PLOD1: variants seen among roughly 807,000 people sequenced by gnomAD.
The protein encoded by PLOD1 is procollagen-lysine,2-oxoglutarate 5-dioxygenase 1, also known as lysine hydroxylase.
PLOD1 carries 70 observed loss-of-function variants against 94.7 expected under a neutral mutation model. The ratio of observed to expected loss-of-function variants is 0.74; its 90% CI spans 0.61 to 0.90. The LOEUF is 0.90. PLOD1 is among the 40% of genes least tolerant of loss of function. PLOD1 has a pLI of 0.00. For synonymous variants in PLOD1, 417 were observed against 400.2 expected, an observed-to-expected ratio of 1.04 and a Z score of -0.50; for missense variants, 905 against 972.7, an observed-to-expected ratio of 0.93 and a Z score of 0.93.
intron 6 of PLOD1, 104 bp downstream of exon 6, chr1:11,954,997 C>G (rs1284417762): frequency 1.1e-6 from 1 of 903,250 alleles, no homozygotes; most frequent in Non-Finnish European, 1.8e-6. Flanking sequence ...TTCTTTCTGG[C>G]CATTGTGCTG....
chr1:11,967,659 T>TATATAGA (rs1491520648), intron 16 of PLOD1, among the ~76,000 whole-genome samples: 1 of 71,466 alleles, frequency 1.4e-5, no homozygotes, highest in African/African-American at 4.0e-5. Context: ...TATATATATA[T>TATATAGA]TTTTTTTAAA....
chr1:11,948,931 A>T (rs1242509403), intron 2 of PLOD1, among the ~76,000 whole-genome samples: 1 of 152,150 alleles, frequency 6.6e-6, no homozygotes, highest in Non-Finnish European at 1.5e-5. Context: ...GTCATTGCTT[A>T]CACAGAGCTT....
At position 11,957,129 on chromosome 1, in the gene PLOD1, A is replaced by G. The variant is rs761572734; in HGVS notation, c.741+115A>G. ...CAGGGCCACCTTCCTGGGGCCTGCTATGAACTCACTGCCTCTGTCCTCACA... is the reference window on the plus strand; with the variant it reads ...CAGGGCCACCTTCCTGGGGCCTGCTGTGAACTCACTGCCTCTGTCCTCACA... On this transcript the variant is annotated intron_variant, in intron 7 of 18. Transcript: ENST00000196061. The surrounding 1 kb of genome is among the most constrained non-coding windows in gnomAD (Gnocchi z 4.1). The G allele has an allele frequency of 1.1e-5, 9 of 787,306 alleles. No homozygotes were observed. Among genetic ancestry groups the G allele is most frequent in the Non-Finnish European group, 1.6e-5 (7 of 427,254 alleles). 48.8% of individuals were successfully genotyped at this position (787,306 alleles called of 1,614,324 possible).
intron 14 of PLOD1, 86 bp downstream of exon 14, chr1:11,965,679 C>G (rs1014428631): frequency 1.3e-5 from 11 of 849,172 alleles, no homozygotes; most frequent in South Asian, 8.6e-5. Flanking sequence ...CAGAGTCTTA[C>G]AACAGCCAGG....
chr1:11,947,339 T>C (rs1645663194), intron 1 of PLOD1, among the ~76,000 whole-genome samples: 1 of 151,618 alleles, frequency 6.6e-6, no homozygotes, highest in African/African-American at 2.4e-5. Context: ...TTTCGGAGGC[T>C]GAAGCAGATC....
At position 11,950,430 on chromosome 1, in the gene PLOD1, T is replaced by G. The variant is rs144702307; in HGVS notation, c.376T>G (p.Phe126Val). The G allele has an allele frequency of 4.3e-5, 70 of 1,614,150 alleles. 1 individual carries two copies. The African/African-American group carries it at 5.1e-4, about 12-fold the overall frequency. ...KFRQARSQVV[F>V]SAEELIYPDR... ...CCGGCAGGCCAGGAGCCAGGTGGTC[T>G]TCTCTGCTGAGGAGCTCATCTACCC... Residue 126 changes from phenylalanine (F) to valine (V), a missense_variant, in exon 4 of 19, where the codon TTC becomes GTC. Transcript: ENST00000196061.
At chr1:11,954,357 A>G in intron 5 of PLOD1, 1 of 328,684 alleles carries the variant, frequency 3.0e-6, no homozygotes, top group Middle Eastern at 1.2e-3. Flanking sequence ...ATGGTGGCAC[A>G]TGCCCGTAGT....
At chr1:11,937,496 A>C (rs1645588206) in intron 1 of PLOD1, among the ~76,000 whole-genome samples, 2 of 152,142 alleles carry the variant, frequency 1.3e-5, no homozygotes, top group Admixed American at 1.3e-4. Flanking sequence ...GGGTCCCCTC[A>C]CTGGCCAGGA....
At chr1:11,937,263 C>G (rs1265700845) in intron 1 of PLOD1, among the ~76,000 whole-genome samples, 1 of 152,236 alleles carries the variant, frequency 6.6e-6, no homozygotes, top group Non-Finnish European at 1.5e-5. Context: ...TTCTAGCCTG[C>G]AAGACCCGGT....
At position 11,957,775 on chromosome 1, in the gene PLOD1, G is replaced by C; in HGVS notation, c.742-67G>C. The C allele has an allele frequency of 9.6e-7, 1 of 1,042,394 alleles. No homozygotes were observed. The highest frequency in any genetic ancestry group is 1.7e-5 in the Admixed American group (1 of 59,334). 64.6% of individuals were successfully genotyped at this position (1,042,394 alleles called of 1,614,324 possible). A position where few individuals can be genotyped will look rare whatever the true frequency, so the allele number is the denominator to read the frequency against. On this transcript the variant is annotated intron_variant, in intron 7 of 18. Transcript: ENST00000196061. The surrounding 1 kb of genome is among the most constrained non-coding windows in gnomAD (Gnocchi z 4.1). ...TGCTGACCCACTGGGGGCCCAGGGA[G>C]ATGTGAGTCAGGGCTATGGCAGGTG...
At chr1:11,934,946 C>A in intron 1 of PLOD1, 91 bp downstream of exon 1, 1 of 1,445,494 alleles carries the variant, frequency 6.9e-7, no homozygotes, top group Non-Finnish European at 9.2e-7. Flanking sequence ...GAATGGGAGG[C>A]CTGGGCTGGA....
Position 11,974,767 on chromosome 1 carries a change from AG to A in PLOD1, c.2147del (p.Gly716AlafsTer98). On this transcript the variant is annotated frameshift_variant, in exon 19 of 19. Transcript: ENST00000196061. LOFTEE classifies it high-confidence loss of function. ...THYHEGLPTT[R>X]GTRYIAVSFV... ...TTACCATGAGGGGCTCCCCACCACC[AG>A]GGGCACCCGCTACATCGCAGTCTCC... 1 of 1,614,080 alleles carries A rather than the reference AG, an allele frequency of 6.2e-7. No individual in the cohort carries two copies. Among genetic ancestry groups the A allele is most frequent in the Non-Finnish European group, 8.5e-7 (1 of 1,179,956 alleles).
intron 12 of PLOD1, 25 bp from the exon 13 acceptor site, chr1:11,964,619 C>T (rs1569722357): frequency 6.2e-7 from 1 of 1,612,858 alleles, no homozygotes; most frequent in Non-Finnish European, 8.5e-7. Context: ...CTCTGACCCC[C>T]ACCCGCTTTC....
Position 11,974,719 on chromosome 1 carries a change from A to G in PLOD1, c.2095A>G (p.Met699Val), listed in dbSNP as rs142916043. 46 of 1,613,756 alleles carry G rather than the reference A, an allele frequency of 2.9e-5. No homozygotes were observed. Among genetic ancestry groups the G allele is most frequent in the Non-Finnish European group, 3.6e-5 (43 of 1,179,868 alleles). Residue 699 changes from methionine to valine, a missense_variant, in exon 19 of 19, where the codon ATG becomes GTG. Coordinates refer to ENST00000196061, the MANE Select transcript of PLOD1 (RefSeq NM_000302.4). ...IRAPRKGWTL[M>V]HPGRLTHYHE... ...AGCCCCAAGGAAGGGCTGGACCCTC[A>G]TGCACCCTGGACGACTCACGCATTA...
Position 11,946,518 on chromosome 1 carries a change from A to G in PLOD1, c.77-1458A>G, listed in dbSNP as rs116051580. 9.8e-3 allele frequency among the ~76,000 whole-genome samples: 1,486 copies of G among 152,318 alleles called. 24 individuals are homozygous for G. The highest frequency in any genetic ancestry group is 0.034 in the African/African-American group (1,415 of 41,580). ...CTAGAGCCATGTGATACTCAGCAAG[A>G]AAGACTGTGAGATAGATTAGCAATG... On this transcript the variant is annotated intron_variant, in intron 1 of 18. Transcript: ENST00000196061.
rs535020737 is a variant in PLOD1, at chr1:11,950,529, C to A, written c.466+9C>A. On this transcript the variant is annotated intron_variant, in intron 4 of 18. Coordinates refer to ENST00000196061, the MANE Select transcript of PLOD1 (RefSeq NM_000302.4). ...GTTCCTGGGCTCTGGAGGTGAGAGGCCTGGGTGCAGGGCGCTTGGCCCAGC... is the reference window on the plus strand; with the variant it reads ...GTTCCTGGGCTCTGGAGGTGAGAGGACTGGGTGCAGGGCGCTTGGCCCAGC... The A allele has an allele frequency of 6.2e-7, 1 of 1,613,316 alleles. No homozygotes were observed. The highest frequency in any genetic ancestry group is 8.5e-7 in the Non-Finnish European group (1 of 1,179,706).
At chr1:11,948,217 CGG>C in intron 2 of PLOD1, 150 bp downstream of exon 2, 1 of 693,090 alleles carries the variant, frequency 1.4e-6, no homozygotes, top group Non-Finnish European at 2.6e-6. Context: ...ATGAGTTAGT[CGG>C]GAATGGGAAG....
chr1:11,937,037 G>A (rs6693015), intron 1 of PLOD1, among the ~76,000 whole-genome samples: 4,391 of 151,772 alleles, frequency 0.029, 121 homozygotes, highest in Middle Eastern at 0.12. Flanking sequence ...TAGTAGAGAC[G>A]GGGTTTCACC....
At chr1:11,944,451 A>ACACACACACT (rs1477993534) in intron 1 of PLOD1, 8 of 958,726 alleles carry the variant, frequency 8.3e-6, no homozygotes, top group South Asian at 5.4e-5. Flanking sequence ...ACACACACAC[A>ACACACACACT]CACTCACTCA....
Sources: allele counts gnomAD v4.1 joint callset (sites outside exome capture counted in the v4.1 genomes callset), GRCh38; gene constraint gnomAD v4.1.1; non-coding constraint Gnocchi (gnomAD v3.1); transcripts MANE v1.5; gene names NCBI Gene and HGNC (gene_info 2026-07-23, HGNC 2026-07-21).